The following NIBAN1 variants were observed in gnomAD, a reference collection of about 807,000 sequenced individuals.
NIBAN1 encodes the protein niban apoptosis regulator 1.
NIBAN1 carries 81 observed loss-of-function variants against 75.1 expected under a neutral mutation model. That is an observed-to-expected ratio of 1.08 (90% CI 0.90 to 1.30). The LOEUF is 1.30. NIBAN1 is among the 50% of genes most tolerant of loss of function. NIBAN1 has a pLI of 0.00. For missense variants in NIBAN1, 1,133 were observed against 1,128.1 expected, an observed-to-expected ratio of 1.00 and a Z score of -0.06; for synonymous variants, 436 against 424.8, an observed-to-expected ratio of 1.03 and a Z score of -0.32.
chr1:184,964,162 T>C (rs1376873162), intron 1 of NIBAN1, among the ~76,000 whole-genome samples: 1 of 152,048 alleles, frequency 6.6e-6, no homozygotes, highest in African/African-American at 2.4e-5. Context: ...ATGAGAATCC[T>C]GTAAGTGTTT....
intron 5 of NIBAN1, among the ~76,000 whole-genome samples, chr1:184,834,325 G>A (rs979440238): frequency 5.3e-5 from 8 of 152,190 alleles, no homozygotes; most frequent in Non-Finnish European, 1.0e-4. Flanking sequence ...ACATATGTGT[G>A]CATGTGTCTT....
chr1:184,956,014 T>C (rs1658480984), intron 1 of NIBAN1, among the ~76,000 whole-genome samples: 1 of 99,096 alleles, frequency 1.0e-5, no homozygotes, highest in African/African-American at 4.3e-5. Flanking sequence ...AGGTCAGGGA[T>C]TATTTTTTCT....
chr1:184,877,518 T>C (rs1656264111), intron 5 of NIBAN1, among the ~76,000 whole-genome samples: 1 of 152,094 alleles, frequency 6.6e-6, no homozygotes, highest in African/African-American at 2.4e-5. Flanking sequence ...AAACAATAGC[T>C]CCAAGCATGA....
In NIBAN1 at chr1:184,794,627, C is replaced by A; in HGVS notation, c.*350G>T. On this transcript the variant is annotated 3_prime_UTR_variant, in exon 14 of 14. Transcript: ENST00000367511. ...AGCCTTAAAGTGCACAAGAAGATTG[C>A]ACAATTGAAAAGTGCAGAGTATACT... The A allele has an allele frequency of 2.7e-6, 1 of 369,390 alleles. No individual in the cohort carries two copies. Among genetic ancestry groups the A allele is most frequent in the Non-Finnish European group, 5.1e-6 (1 of 196,456 alleles). 22.9% of individuals were successfully genotyped at this position (369,390 alleles called of 1,614,324 possible). A position where few individuals can be genotyped will look rare whatever the true frequency, so the allele number is the denominator to read the frequency against.
intron 1 of NIBAN1, among the ~76,000 whole-genome samples, chr1:184,930,361 G>A (rs1002483403): frequency 1.2e-4 from 19 of 152,182 alleles, no homozygotes; most frequent in Admixed American, 6.5e-5. Flanking sequence ...ATAGAGAGAT[G>A]TATCTATCAA....
chr1:184,798,367 A>T (rs1279201086), intron 12 of NIBAN1, among the ~76,000 whole-genome samples, 177 bp from the exon 13 acceptor site: 1 of 152,220 alleles, frequency 6.6e-6, no homozygotes, highest in Non-Finnish European at 1.5e-5. Flanking sequence ...GGTTCCCTTC[A>T]ATTCAATTCA....
chr1:184,877,102 C>G (rs770237885), intron 5 of NIBAN1, among the ~76,000 whole-genome samples: 3 of 152,094 alleles, frequency 2.0e-5, no homozygotes, highest in Non-Finnish European at 4.4e-5. Context: ...AAATGTCTAT[C>G]TAGAGTAACA....
At chr1:184,902,595 G>C (rs1295571659) in intron 1 of NIBAN1, among the ~76,000 whole-genome samples, 1 of 152,206 alleles carries the variant, frequency 6.6e-6, no homozygotes, top group Non-Finnish European at 1.5e-5. Context: ...GCTGTTTACT[G>C]TAACTCTTGC....
chr1:184,841,661 T>C (rs1210408397), intron 5 of NIBAN1, among the ~76,000 whole-genome samples: 1 of 152,194 alleles, frequency 6.6e-6, no homozygotes, highest in East Asian at 1.9e-4. Context: ...ACCAGGGTTG[T>C]GTCATTTAGA....
chr1:184,798,062 C>T lies in NIBAN1; in HGVS notation c.1666+17G>A, dbSNP rs1257469998. 6.5e-7 allele frequency: 1 copy of T among 1,541,760 alleles called. No individual in the cohort carries two copies. The highest frequency in any genetic ancestry group is 1.4e-5 in the African/African-American group (1 of 73,518). ...CCTCTATGGAGTGTCCCTGCAGCAC[C>T]AGGTAACCTTTCTTACCTTTCAGAG... On this transcript the variant is annotated intron_variant, in intron 13 of 13. Transcript: ENST00000367511.
intron 1 of NIBAN1, 135 bp downstream of exon 1, chr1:184,974,167 G>T: frequency 1.1e-6 from 1 of 919,174 alleles, no homozygotes; most frequent in Non-Finnish European, 1.5e-6. Context: ...CGACTCGCGC[G>T]GGCGGGCTGC....
chr1:184,899,022 C>CT (rs1431604484), intron 2 of NIBAN1, among the ~76,000 whole-genome samples, 157 bp downstream of exon 2: 1 of 152,226 alleles, frequency 6.6e-6, no homozygotes, highest in Non-Finnish European at 1.5e-5. Flanking sequence ...ATCATACATT[C>CT]TAACTTCCAG....
chr1:184,910,044 C>T (rs1468319854), intron 1 of NIBAN1, among the ~76,000 whole-genome samples: 2 of 152,100 alleles, frequency 1.3e-5, no homozygotes, highest in African/African-American at 4.8e-5. Flanking sequence ...ACTCCTTTTT[C>T]CTATGGAAAT....
In NIBAN1 at chr1:184,808,172, C is replaced by G; in HGVS notation, c.1237G>C (p.Val413Leu). 6.2e-7 allele frequency: 1 copy of G among 1,614,066 alleles called. No individual in the cohort carries two copies. The highest frequency in any genetic ancestry group is 8.5e-7 in the Non-Finnish European group (1 of 1,180,002). ...SVKMEPCYTKVNLLHERLQDL... is the reference protein window; with the variant it reads ...SVKMEPCYTKLNLLHERLQDL... ...TGCAGGCGCTCGTGAAGCAGGTTGA[C>G]TTTAGTATAACAAGGTTCCATCTTC... is the stretch of plus-strand genomic sequence containing the variant. The change falls in exon 10 of 14, where the codon GTC becomes CTC. Residue 413 changes from valine to leucine, a missense_variant. Physicochemically the swap from Val to Leu is conservative, Grantham distance 32 (BLOSUM62 1). Coordinates refer to ENST00000367511, the MANE Select transcript of NIBAN1 (RefSeq NM_052966.4).
chr1:184,845,929 G>A (rs1399638187), intron 5 of NIBAN1, among the ~76,000 whole-genome samples: 2 of 80,816 alleles, frequency 2.5e-5, no homozygotes, highest in East Asian at 2.6e-4. Context: ...CTTAAGAAAC[G>A]GCGCACCACG....
chr1:184,933,416 A>G (rs1657876428), intron 1 of NIBAN1, among the ~76,000 whole-genome samples: 1 of 152,194 alleles, frequency 6.6e-6, no homozygotes, highest in Admixed American at 6.5e-5. Context: ...CTGCCAAACC[A>G]CCTGTGATCT....
At chr1:184,856,019 T>C (rs886706627) in intron 5 of NIBAN1, among the ~76,000 whole-genome samples, 2 of 152,226 alleles carry the variant, frequency 1.3e-5, no homozygotes, top group Non-Finnish European at 1.5e-5. Context: ...ATGGGTTACG[T>C]AGTAATACTG....
chr1:184,796,531 A>T (rs1053893752), intron 13 of NIBAN1, among the ~76,000 whole-genome samples: 3 of 152,230 alleles, frequency 2.0e-5, no homozygotes, highest in Non-Finnish European at 4.4e-5. Flanking sequence ...ACCTTGCAGT[A>T]CAGTCCTGAA....
intron 6 of NIBAN1, 64 bp from the exon 7 acceptor site, chr1:184,823,806 A>C: frequency 1.4e-6 from 2 of 1,405,964 alleles, no homozygotes; most frequent in Non-Finnish European, 2.0e-6. Context: ...GCATCAGGCC[A>C]ACTAAAAATG....
Sources: allele counts gnomAD v4.1 joint callset (sites outside exome capture counted in the v4.1 genomes callset), GRCh38; gene constraint gnomAD v4.1.1; transcripts MANE v1.5; gene names NCBI Gene and HGNC (gene_info 2026-07-23, HGNC 2026-07-21).